MAP2K1: variants seen among roughly 807,000 people sequenced by gnomAD.
The protein encoded by MAP2K1 is mitogen-activated protein kinase kinase 1, also known as dual specificity mitogen-activated protein kinase kinase 1.
In MAP2K1, 16 loss-of-function variants were observed where a neutral mutation model predicts 46.3. That is an observed-to-expected ratio of 0.35 (90% CI 0.23 to 0.52). The LOEUF is 0.52. Among genes scored for constraint, MAP2K1 ranks in the 20% least tolerant of loss-of-function variants. MAP2K1 has a pLI of 0.94. For synonymous variants in MAP2K1, 183 were observed against 185.6 expected (o/e 0.99, Z 0.11); for missense variants, 263 against 497.1 (o/e 0.53, Z 4.48).
chr15:66,487,371 G>T (rs769034165), intron 8 of MAP2K1, 79 bp downstream of exon 8: 45 of 1,312,686 alleles, frequency 3.4e-5, no homozygotes, highest in Non-Finnish European at 4.9e-5. Flanking sequence ...GGGTGCAGTG[G>T]TTCACGCCTG....
intron 1 of MAP2K1, among the ~76,000 whole-genome samples, chr15:66,404,974 G>A (rs536562082): frequency 6.6e-6 from 1 of 152,170 alleles, no homozygotes; most frequent in Non-Finnish European, 1.5e-5. Context: ...AAAGAGAGTA[G>A]GATAAGTCAG....
chr15:66,424,797 T>G (rs1473315747), intron 1 of MAP2K1, among the ~76,000 whole-genome samples: 1 of 139,244 alleles, frequency 7.2e-6, no homozygotes, highest in Non-Finnish European at 1.6e-5. Flanking sequence ...CAATCTTTTT[T>G]TTTTTTTTTT....
intron 1 of MAP2K1, among the ~76,000 whole-genome samples, chr15:66,388,843 T>C (rs2093349590): frequency 1.3e-5 from 2 of 152,160 alleles, no homozygotes; most frequent in Non-Finnish European, 2.9e-5. Flanking sequence ...TGGGGTCTAT[T>C]TTGCATAATA....
intron 1 of MAP2K1, among the ~76,000 whole-genome samples, chr15:66,387,945 G>GA (rs2093346342): frequency 6.6e-6 from 1 of 152,216 alleles, no homozygotes; most frequent in South Asian, 2.1e-4. Flanking sequence ...GGGCGTGCTG[G>GA]AAGTCCGTGT....
At chr15:66,489,135 G>A in intron 8 of MAP2K1, 80 bp from the exon 9 acceptor site, 1 of 1,096,526 alleles carries the variant, frequency 9.1e-7, no homozygotes, top group South Asian at 1.2e-5. Flanking sequence ...AGCACTGGCT[G>A]GTGGGAGGGG....
At chr15:66,417,170 A>G (rs547640403) in intron 1 of MAP2K1, among the ~76,000 whole-genome samples, 17 of 152,250 alleles carry the variant, frequency 1.1e-4, no homozygotes, top group Admixed American at 9.2e-4. Flanking sequence ...GGTTTTAATT[A>G]AGTTTCTTTC....
At chr15:66,396,530 A>C (rs1004582984) in intron 1 of MAP2K1, among the ~76,000 whole-genome samples, 3 of 152,004 alleles carry the variant, frequency 2.0e-5, no homozygotes, top group Non-Finnish European at 4.4e-5. Context: ...TCAGCCCCAC[A>C]AGGTGCTGGG....
intron 6 of MAP2K1, 126 bp downstream of exon 6, chr15:66,482,005 A>C: frequency 8.5e-7 from 1 of 1,176,832 alleles, no homozygotes; most frequent in Non-Finnish European, 1.2e-6. Flanking sequence ...GAGGAGGCAC[A>C]GTGCTCTGCC....
intron 8 of MAP2K1, among the ~76,000 whole-genome samples, chr15:66,487,739 T>C (rs7173464): frequency 0.056 from 8,592 of 152,162 alleles, 785 homozygotes; most frequent in African/African-American, 0.2. Context: ...AGTTCGTCGC[T>C]GCTTAAGGAT....
Position 66,387,289 on chromosome 15 carries a change from G to C in MAP2K1, c.-59G>C. ...CAGCGGGCGCGGGGCAGCGCAGCGG[G>C]AGGAAGCGAGAGGTGCTGCCCTCCC... On this transcript the variant is annotated 5_prime_UTR_variant, in exon 1 of 11. Coordinates refer to ENST00000307102, the MANE Select transcript of MAP2K1 (RefSeq NM_002755.4). The C allele has an allele frequency of 7.1e-7, 1 of 1,405,460 alleles. No individual in the cohort carries two copies. The highest frequency in any genetic ancestry group is 1.2e-5 in the South Asian group (1 of 81,082). The allele number at this position is 1,405,460 out of a possible 1,614,324, so 87.1% of individuals were successfully genotyped here. A position where few individuals can be genotyped will look rare whatever the true frequency, so the allele number is the denominator to read the frequency against.
rs538001560 is a variant in MAP2K1, at chr15:66,476,423, G to A, written c.569-5332G>A. Among the ~76,000 whole-genome samples, 11 of 152,324 alleles carry A rather than the reference G, an allele frequency of 7.2e-5. No individual in the cohort carries two copies. The South Asian group carries it at 2.3e-3, about 32-fold the overall frequency. ...TAATCCTCCCAGGACTCCAGGAGCA[G>A]GGCATTATCCCAAGTTGGGAAGGGG... On this transcript the variant is annotated intron_variant, in intron 5 of 10. Coordinates refer to ENST00000307102, the MANE Select transcript of MAP2K1 (RefSeq NM_002755.4).
intron 1 of MAP2K1, among the ~76,000 whole-genome samples, chr15:66,426,227 C>A (rs1188336432): frequency 2.7e-5 from 4 of 149,180 alleles, no homozygotes; most frequent in Non-Finnish European, 5.9e-5. Context: ...AGAGAGCAGC[C>A]CAGTAATCTT....
At position 66,484,003 on chromosome 15, in the gene MAP2K1, C is replaced by T. The variant is rs190833009; in HGVS notation, c.694-987C>T. ...GACCTTGTGATCCACCCACCTCGGC[C>T]TCCCAAAGTGCTGGGGTTACAGGCA... On this transcript the variant is annotated intron_variant, in intron 6 of 10. Transcript: ENST00000307102. Among the ~76,000 whole-genome samples, 303 of 152,284 alleles carry T rather than the reference C, an allele frequency of 2.0e-3. 2 individuals are homozygous for T. Among genetic ancestry groups the T allele is most frequent in the African/African-American group, 6.8e-3 (283 of 41,560 alleles).
intron 1 of MAP2K1, among the ~76,000 whole-genome samples, chr15:66,413,925 T>TTTTC: frequency 6.6e-6 from 1 of 150,750 alleles, no homozygotes; most frequent in South Asian, 2.1e-4. Context: ...TTTTTTTTTT[T>TTTTC]TTCCTGTAAC....
At chr15:66,469,368 A>T (rs1444882101) in intron 5 of MAP2K1, among the ~76,000 whole-genome samples, 9 of 152,166 alleles carry the variant, frequency 5.9e-5, no homozygotes, top group African/African-American at 2.2e-4. Flanking sequence ...AAATCAGGTA[A>T]CACAATACAA....
chr15:66,393,035 A>G (rs1357144422), intron 1 of MAP2K1, among the ~76,000 whole-genome samples: 2 of 152,188 alleles, frequency 1.3e-5, no homozygotes, highest in East Asian at 3.8e-4. Context: ...TCAAACAGTC[A>G]TGACCATGCC....
At chr15:66,470,094 G>GTTTTTTTTTTTTCTTTT (rs1892590076) in intron 5 of MAP2K1, among the ~76,000 whole-genome samples, 1 of 76,602 alleles carries the variant, frequency 1.3e-5, no homozygotes, top group Non-Finnish European at 2.4e-5. Context: ...TTTTTTTCTT[G>GTTTTTTTTTTTTCTTTT]TTTTTTTTTT....
intron 1 of MAP2K1, among the ~76,000 whole-genome samples, chr15:66,408,319 C>A (rs1170333434): frequency 6.6e-6 from 1 of 152,174 alleles, no homozygotes; most frequent in East Asian, 1.9e-4. Context: ...ACCGGGCATA[C>A]TTGCAATTTT....
At chr15:66,404,847 C>G (rs2093392283) in intron 1 of MAP2K1, among the ~76,000 whole-genome samples, 2 of 152,128 alleles carry the variant, frequency 1.3e-5, no homozygotes, top group African/African-American at 4.8e-5. Context: ...GAGGCTTGCC[C>G]TCAGCTGAGG....
Sources: allele counts gnomAD v4.1 joint callset (sites outside exome capture counted in the v4.1 genomes callset), GRCh38; gene constraint gnomAD v4.1.1; transcripts MANE v1.5; gene names NCBI Gene and HGNC (gene_info 2026-07-23, HGNC 2026-07-21).